The following NDUFA10 variants were observed in gnomAD, a reference collection of about 807,000 sequenced individuals.
The protein encoded by NDUFA10 is NADH dehydrogenase [ubiquinone] 1 alpha subcomplex subunit 10, mitochondrial.
A neutral mutation model predicts 47.8 loss-of-function variants in NDUFA10; 40 were observed. The ratio of observed to expected loss-of-function variants is 0.84; its 90% CI spans 0.65 to 1.09. NDUFA10 has a LOEUF of 1.09. NDUFA10 is among the 50% of genes least tolerant of loss of function. The probability of loss-of-function intolerance (pLI) is 0.00; values close to 1 mark genes in which losing one functional copy is unlikely to be tolerated. For missense variants in NDUFA10, 413 were observed against 451.1 expected, an observed-to-expected ratio of 0.92 and a Z score of 0.76; for synonymous variants, 183 against 172.2, an observed-to-expected ratio of 1.06 and a Z score of -0.49.
chr2:239,962,744 A>G (rs1694907185), intron 9 of NDUFA10, among the ~76,000 whole-genome samples: 1 of 152,224 alleles, frequency 6.6e-6, no homozygotes, highest in African/African-American at 2.4e-5. Context: ...GGAAGGCCTC[A>G]GGAAGCTTCC....
Position 239,930,709 on chromosome 2 carries a change from C to T in NDUFA10, c.295-35395G>A, listed in dbSNP as rs11901362. 1.1e-4 allele frequency among the ~76,000 whole-genome samples: 16 copies of T among 152,212 alleles called. No homozygotes were observed. In the South Asian group the frequency reaches 3.1e-3, roughly 30 times the overall value. Reference sequence around the variant, plus strand: ...ATGCACCGGGAGCCGGACCAGAGGGCGTGCAGAAGAGTTCCTGGCAGGGGA... The same window carrying T: ...ATGCACCGGGAGCCGGACCAGAGGGTGTGCAGAAGAGTTCCTGGCAGGGGA... On this transcript the variant is annotated intron_variant, in intron 4 of 5. Transcript: ENST00000419408.
At chr2:239,922,836 C>T (rs550076478) in intron 4 of NDUFA10, among the ~76,000 whole-genome samples, 87 of 152,308 alleles carry the variant, frequency 5.7e-4, no homozygotes, top group African/African-American at 2.0e-3. Context: ...AGTGTGCCAG[C>T]AGGTAAGATG....
intron 9 of NDUFA10, chr2:239,983,796 T>C: frequency 4.0e-6 from 6 of 1,508,512 alleles, no homozygotes; most frequent in Non-Finnish European, 5.3e-6. Context: ...AAAAACAAAG[T>C]CTGAGAAAAT....
chr2:240,011,573 C>T lies in NDUFA10; in HGVS notation c.749+44G>A, dbSNP rs368080310. On this transcript the variant is annotated intron_variant, in intron 6 of 9. Transcript: ENST00000252711. ...CTGTTGGGGCCTAAGAAACGAGTGG[C>T]GAAGAAGTTTTAGCCCTGTAAATCA... 5.7e-5 allele frequency: 86 copies of T among 1,506,536 alleles called. No individual in the cohort carries two copies. The South Asian group carries it at 8.9e-4, about 16-fold the overall frequency. The allele number at this position is 1,506,536 out of a possible 1,614,324, so 93.3% of individuals were successfully genotyped here. A position where few individuals can be genotyped will look rare whatever the true frequency, so the allele number is the denominator to read the frequency against.
chr2:239,927,893 T>C (rs1389664159), intron 4 of NDUFA10, among the ~76,000 whole-genome samples: 1 of 152,216 alleles, frequency 6.6e-6, no homozygotes, highest in Non-Finnish European at 1.5e-5. Context: ...GGTGGGCCCA[T>C]CACTGTCAGG....
chr2:239,986,254 GA>G (rs1283837722), intron 9 of NDUFA10, among the ~76,000 whole-genome samples: 1 of 152,214 alleles, frequency 6.6e-6, no homozygotes, highest in Non-Finnish European at 1.5e-5. Context: ...CAGGAATGAA[GA>G]CAGCCTTCCT....
At chr2:239,997,263 T>A (rs1696518207) in intron 8 of NDUFA10, among the ~76,000 whole-genome samples, 2 of 151,846 alleles carry the variant, frequency 1.3e-5, no homozygotes, top group African/African-American at 4.8e-5. Flanking sequence ...AGGGTATACA[T>A]CAATAAAACA....
In NDUFA10 at chr2:239,987,832, A is replaced by G. The variant is rs1269003840; in HGVS notation, c.999+2242T>C. Among the ~76,000 whole-genome samples the G allele has an allele frequency of 6.6e-6, 1 of 152,238 alleles. No homozygotes were observed. The highest frequency in any genetic ancestry group is 1.5e-5 in the Non-Finnish European group (1 of 68,048). On this transcript the variant is annotated intron_variant, in intron 9 of 9. Coordinates refer to ENST00000252711, the MANE Select transcript of NDUFA10 (RefSeq NM_004544.4). This position sits in a 1 kb window ranked among gnomAD's most constrained non-coding sequence, Gnocchi z 4.8. Reference sequence around the variant, plus strand: ...GAATTAAGACGACCGAGATCATGCAAAACATGCGAGTGGGTACTCTGCTCT... The same window carrying G: ...GAATTAAGACGACCGAGATCATGCAGAACATGCGAGTGGGTACTCTGCTCT...
chr2:239,938,381 C>T lies in NDUFA10; in HGVS notation c.295-43067G>A, dbSNP rs948160249. 5.3e-5 allele frequency among the ~76,000 whole-genome samples: 8 copies of T among 152,170 alleles called. 1 individual carries two copies. The highest frequency in any genetic ancestry group is 3.3e-4 in the Admixed American group (5 of 15,282). Reference sequence around the variant, plus strand: ...CAGACCTCACCTGCACTGAGGTGGCCGCTGGCCTGGGCAGCCACCGACACA... The same window carrying T: ...CAGACCTCACCTGCACTGAGGTGGCTGCTGGCCTGGGCAGCCACCGACACA... On this transcript the variant is annotated intron_variant, in intron 4 of 5. Coordinates refer to the NDUFA10 transcript ENST00000419408.
chr2:239,995,291 TG>T (rs1226355214), intron 8 of NDUFA10, among the ~76,000 whole-genome samples: 1 of 147,404 alleles, frequency 6.8e-6, no homozygotes, highest in Non-Finnish European at 1.5e-5. Context: ...AAAAAAAAAG[TG>T]GAAGGAATGG....
At chr2:239,894,122 T>G (rs1414277973) in intron 5 of NDUFA10, among the ~76,000 whole-genome samples, 1 of 145,220 alleles carries the variant, frequency 6.9e-6, no homozygotes, top group East Asian at 2.1e-4. Flanking sequence ...CTGCTTCCCA[T>G]CCTAAGCTCC....
intron 5 of NDUFA10, chr2:240,012,032 A>T (rs951295233): frequency 2.9e-6 from 1 of 344,690 alleles, no homozygotes; most frequent in African/African-American, 2.1e-5. Context: ...GGAATGAAAG[A>T]GCACCAAAAA....
At chr2:239,978,455 C>T (rs1165625140) in intron 9 of NDUFA10, among the ~76,000 whole-genome samples, 2 of 152,188 alleles carry the variant, frequency 1.3e-5, no homozygotes, top group Non-Finnish European at 2.9e-5. Flanking sequence ...CACAGTCTGG[C>T]CTGCCTCCTA....
chr2:239,994,456 C>T (rs1696386557), intron 8 of NDUFA10, among the ~76,000 whole-genome samples: 2 of 152,000 alleles, frequency 1.3e-5, no homozygotes, highest in Admixed American at 6.6e-5. Context: ...TGTCTCCCAT[C>T]ACCCCCAGAT....
Position 239,913,454 on chromosome 2 carries a change from C to G in NDUFA10, c.295-18140G>C, listed in dbSNP as rs191439000. On this transcript the variant is annotated intron_variant, in intron 4 of 5. Transcript: ENST00000419408. Reference sequence around the variant, plus strand: ...TCACGTGGTGAACCTTGGCCAAGAGCTTCATCTCTAAGGGGCTCAGCACAC... The same window carrying G: ...TCACGTGGTGAACCTTGGCCAAGAGGTTCATCTCTAAGGGGCTCAGCACAC... 1.1e-4 allele frequency among the ~76,000 whole-genome samples: 17 copies of G among 152,320 alleles called. No homozygotes were observed. The East Asian group carries it at 3.3e-3, about 29-fold the overall frequency.
intron 4 of NDUFA10, among the ~76,000 whole-genome samples, chr2:239,895,943 A>G (rs1693387318): frequency 6.6e-6 from 1 of 151,508 alleles, no homozygotes; most frequent in Non-Finnish European, 1.5e-5. Context: ...CATTGTTTTC[A>G]GTGTAAGTGC....
rs1018893080 is a variant in NDUFA10, at chr2:239,945,942, C to T, written c.294+44132G>A. 2.0e-5 allele frequency among the ~76,000 whole-genome samples: 3 copies of T among 152,182 alleles called. No individual in the cohort carries two copies. Among genetic ancestry groups the T allele is most frequent in the Admixed American group, 6.5e-5 (1 of 15,282 alleles). ...CTGCGCTGAGAATGGGATCCGCTTG[C>T]GGACAGGAAGCAGCCCAGAGCCTCA... On this transcript the variant is annotated intron_variant, in intron 4 of 5. Coordinates refer to the NDUFA10 transcript ENST00000419408. The surrounding 1 kb of genome is among the most constrained non-coding windows in gnomAD (Gnocchi z 4.6).
In NDUFA10 at chr2:239,967,014, C is replaced by G. The variant is rs77288258; in HGVS notation, c.1000-5828G>C. On this transcript the variant is annotated intron_variant, in intron 9 of 9. Coordinates refer to ENST00000252711, the MANE Select transcript of NDUFA10 (RefSeq NM_004544.4). Reference sequence around the variant, plus strand: ...GCTGTACATCACTCTGTGCCTCTTCCAGCCTAGGGCTGTGTCTGTTCCCAG... The same window carrying G: ...GCTGTACATCACTCTGTGCCTCTTCGAGCCTAGGGCTGTGTCTGTTCCCAG... Among the ~76,000 whole-genome samples the G allele has an allele frequency of 5.5e-3, 836 of 152,202 alleles. 10 individuals carry two copies. Among genetic ancestry groups the G allele is most frequent in the African/African-American group, 0.019 (788 of 41,490 alleles).
At chr2:240,005,377 C>A in intron 7 of NDUFA10, 82 bp from the exon 8 acceptor site, 1 of 1,121,260 alleles carries the variant, frequency 8.9e-7, no homozygotes, top group Non-Finnish European at 1.3e-6. Context: ...GAGACAGGGT[C>A]CGGCTCTATC....
Sources: gnomAD v4.1 joint callset for allele counts (sites outside exome capture counted in the v4.1 genomes callset) on GRCh38, gnomAD v4.1.1 for gene constraint, Gnocchi (gnomAD v3.1) non-coding constraint, MANE v1.5 for transcripts, NCBI Gene and HGNC (gene_info 2026-07-23, HGNC 2026-07-21) for gene names.